The following HPSE2 variants were observed in gnomAD, a reference collection of about 807,000 sequenced individuals.
HPSE2 encodes the protein inactive heparanase-2.
In HPSE2, 38 loss-of-function variants were observed where a neutral mutation model predicts 60.5. The ratio of observed to expected loss-of-function variants is 0.63; its 90% CI spans 0.48 to 0.82. The LOEUF is 0.82. Among genes scored for constraint, HPSE2 ranks in the 40% least tolerant of loss-of-function variants. HPSE2 has a pLI of 0.00. For missense variants in HPSE2, 713 were observed against 740.4 expected (o/e 0.96, Z 0.43); for synonymous variants, 295 against 293.2 (o/e 1.01, Z -0.06).
intron 3 of HPSE2, among the ~76,000 whole-genome samples, chr10:99,015,639 A>T: frequency 6.7e-6 from 1 of 149,044 alleles, no homozygotes; most frequent in East Asian, 2.1e-4. Flanking sequence ...GGACACAGGA[A>T]GGGGAACATC....
At chr10:99,201,715 C>A (rs898667834) in intron 2 of HPSE2, among the ~76,000 whole-genome samples, 1 of 152,138 alleles carries the variant, frequency 6.6e-6, no homozygotes, top group African/African-American at 2.4e-5. Context: ...GTATCCCTGC[C>A]TTTCCAAATA....
At chr10:99,123,987 T>A (rs1001676949) in intron 3 of HPSE2, among the ~76,000 whole-genome samples, 9 of 151,486 alleles carry the variant, frequency 5.9e-5, no homozygotes, top group African/African-American at 2.2e-4. Context: ...AGACCCAGAG[T>A]GGGTAGCTCC....
chr10:99,150,275 T>C (rs927310038), intron 2 of HPSE2, among the ~76,000 whole-genome samples: 1 of 152,168 alleles, frequency 6.6e-6, no homozygotes, highest in African/African-American at 2.4e-5. Flanking sequence ...CCCACAGCAG[T>C]GCTAGCCTAA....
intron 3 of HPSE2, among the ~76,000 whole-genome samples, chr10:98,909,133 AAGAC>A (rs1953909817): frequency 6.6e-6 from 1 of 152,204 alleles, no homozygotes; most frequent in South Asian, 2.1e-4. Context: ...TGACGCTTGA[AAGAC>A]AGTCACACAG....
At chr10:98,483,308 C>T (rs1419818145) in intron 10 of HPSE2, among the ~76,000 whole-genome samples, 1 of 152,176 alleles carries the variant, frequency 6.6e-6, no homozygotes, top group Non-Finnish European at 1.5e-5. Context: ...ACATCTTAAA[C>T]ATATTCCCAT....
intron 2 of HPSE2, among the ~76,000 whole-genome samples, chr10:99,144,725 G>A (rs897875092): frequency 3.9e-5 from 6 of 152,112 alleles, no homozygotes; most frequent in African/African-American, 7.2e-5. Flanking sequence ...ATATCTTACC[G>A]TTTTCCATGG....
intron 9 of HPSE2, among the ~76,000 whole-genome samples, chr10:98,511,592 GTGTGTT>G (rs1373681498): frequency 1.6e-4 from 23 of 146,442 alleles, no homozygotes; most frequent in Admixed American, 1.3e-3. Flanking sequence ...GTGTGTGTGT[GTGTGTT>G]TGTGTGTGTG....
At chr10:99,243,348 G>C in the HPSE2 span, among the ~76,000 whole-genome samples, 1 of 149,526 alleles carries the variant, frequency 6.7e-6, no homozygotes, top group African/African-American at 2.5e-5. Flanking sequence ...GCAAGACTCT[G>C]TCTCAAAAAA....
intron 3 of HPSE2, among the ~76,000 whole-genome samples, chr10:98,799,052 C>T (rs1050555492): frequency 6.6e-6 from 1 of 152,008 alleles, no homozygotes; most frequent in Non-Finnish European, 1.5e-5. Context: ...ACACACTTCA[C>T]CTATAAAGAT....
intron 3 of HPSE2, among the ~76,000 whole-genome samples, chr10:98,789,156 G>T (rs558513862): frequency 6.6e-6 from 1 of 152,168 alleles, no homozygotes; most frequent in Non-Finnish European, 1.5e-5. Flanking sequence ...TTGGAACATG[G>T]CAGACATTCA....
At chr10:98,489,538 T>C (rs4442477) in intron 10 of HPSE2, among the ~76,000 whole-genome samples, 75,823 of 152,132 alleles carry the variant, frequency 0.5, 22,825 homozygotes, top group Middle Eastern at 0.65. Context: ...AAAGCTGGCA[T>C]GACCATCTCT....
chr10:98,481,861 G>C (rs1194349345), intron 11 of HPSE2, among the ~76,000 whole-genome samples: 1 of 152,194 alleles, frequency 6.6e-6, no homozygotes, highest in East Asian at 1.9e-4. Context: ...CTTCCTGAGA[G>C]GCCTCACTCG....
chr10:99,104,911 G>A (rs532244055), intron 3 of HPSE2, among the ~76,000 whole-genome samples: 4 of 152,014 alleles, frequency 2.6e-5, no homozygotes, highest in Non-Finnish European at 5.9e-5. Context: ...GGGGCCTGTC[G>A]TGGGGTCGGG....
Position 98,516,085 on chromosome 10 carries a change from C to T in HPSE2, c.1321-25889G>A, listed in dbSNP as rs146982358. 2.0e-5 allele frequency among the ~76,000 whole-genome samples: 3 copies of T among 152,286 alleles called. No homozygotes were observed. In the East Asian group the frequency reaches 5.8e-4, roughly 29 times the overall value. On this transcript the variant is annotated intron_variant, in intron 9 of 11. Transcript: ENST00000370552. Reference sequence around the variant, plus strand: ...ATTGCCTGTTTACCTGTCCTCTCTACGAGACCCTTCAGTGGCAGAAGGGTC... The same window carrying T: ...ATTGCCTGTTTACCTGTCCTCTCTATGAGACCCTTCAGTGGCAGAAGGGTC...
chr10:98,838,985 T>A (rs917935131), intron 3 of HPSE2, among the ~76,000 whole-genome samples: 8 of 152,076 alleles, frequency 5.3e-5, no homozygotes, highest in Non-Finnish European at 8.8e-5. Flanking sequence ...TCATAAACCA[T>A]CTAGAGAAGT....
At chr10:98,495,151 G>C (rs951047771) in intron 9 of HPSE2, among the ~76,000 whole-genome samples, 5 of 151,738 alleles carry the variant, frequency 3.3e-5, no homozygotes, top group Admixed American at 6.6e-5. Context: ...AATTTTGATG[G>C]ATATAGGATT....
At chr10:99,300,326 G>A in the HPSE2 span, among the ~76,000 whole-genome samples, 16 of 152,250 alleles carry the variant, frequency 1.1e-4, no homozygotes, top group African/African-American at 3.9e-4. Context: ...GCTCCCACTG[G>A]ACACCTTACA....
At chr10:99,007,040 G>A (rs1237352833) in intron 3 of HPSE2, among the ~76,000 whole-genome samples, 1 of 151,956 alleles carries the variant, frequency 6.6e-6, no homozygotes, top group Non-Finnish European at 1.5e-5. Context: ...GGGCTTTAGA[G>A]GCCAATCTGG....
intron 3 of HPSE2, among the ~76,000 whole-genome samples, chr10:98,845,696 GGT>G (rs946601626): frequency 1.8e-4 from 28 of 152,298 alleles, no homozygotes; most frequent in African/African-American, 6.7e-4. Flanking sequence ...AGTCACACCT[GGT>G]GTGTGTCTCT....
Sources: gnomAD v4.1 joint callset for allele counts (sites outside exome capture counted in the v4.1 genomes callset) on GRCh38, gnomAD v4.1.1 for gene constraint, MANE v1.5 for transcripts, NCBI Gene and HGNC (gene_info 2026-07-23, HGNC 2026-07-21) for gene names.